METAP2: variants seen among roughly 807,000 people sequenced by gnomAD.
METAP2 encodes methionyl aminopeptidase 2, also known as methionine aminopeptidase 2.
METAP2 carries 25 observed loss-of-function variants against 59.4 expected under a neutral mutation model. The observed-to-expected ratio is 0.42, with a 90% CI of 0.31 to 0.59. The LOEUF (loss-of-function observed/expected upper bound fraction) is 0.59, where lower values mean the gene tolerates loss of function less well. METAP2 is among the 20% of genes least tolerant of loss of function. The probability of loss-of-function intolerance (pLI) is 0.16; values close to 1 mark genes in which losing one functional copy is unlikely to be tolerated. For synonymous variants in METAP2, 214 were observed against 194.1 expected, an observed-to-expected ratio of 1.10 and a Z score of -0.85; for missense variants, 366 against 581.2, an observed-to-expected ratio of 0.63 and a Z score of 3.81.
In METAP2 at chr12:95,495,197, C is replaced by G. The variant is rs549762561; in HGVS notation, c.772+59C>G. On this transcript the variant is annotated intron_variant, in intron 6 of 10. Transcript: ENST00000323666. The stretch of plus-strand genomic sequence containing the variant: ...CCTCCTGAAAAACTAGTTTTTGTCT[C>G]TGTTAAATGGAGTGATAAATACTGA... 3.5e-6 allele frequency: 5 copies of G among 1,414,888 alleles called. No homozygotes were observed. In the African/African-American group the frequency reaches 7.1e-5, roughly 20 times the overall value. 87.6% of individuals were successfully genotyped at this position (1,414,888 alleles called of 1,614,324 possible). A position where few individuals can be genotyped will look rare whatever the true frequency, so the allele number is the denominator to read the frequency against.
rs1594422989 is a variant in METAP2 at position 95,492,967 on chromosome 12, T to C, written c.429-1089T>C. ...TGAGTGGGCACATGTTGCAATAAAATTTTATTTATAAAACAGGGGAGGCAA... is the reference window on the plus strand; with the variant it reads ...TGAGTGGGCACATGTTGCAATAAAACTTTATTTATAAAACAGGGGAGGCAA... On this transcript the variant is annotated intron_variant, in intron 4 of 10. Transcript: ENST00000323666. Among the ~76,000 whole-genome samples, 5 of 152,316 alleles carry C rather than the reference T, an allele frequency of 3.3e-5. No homozygotes were observed. In the South Asian group the frequency reaches 1.0e-3, roughly 32 times the overall value.
chr12:95,488,511 CA>C (rs537119415), intron 4 of METAP2, among the ~76,000 whole-genome samples: 323 of 76,504 alleles, frequency 4.2e-3, no homozygotes, highest in African/African-American at 8.3e-3. Context: ...TTTGTCTCAC[CA>C]AAAAAAAAAA....
Position 95,495,061 on chromosome 12 carries a change from A to G in METAP2, c.695A>G (p.Tyr232Cys). 3.1e-6 allele frequency: 5 copies of G among 1,613,638 alleles called. No individual in the cohort carries two copies. The highest frequency in any genetic ancestry group is 2.5e-6 in the Non-Finnish European group (3 of 1,179,628). ...TCTCTCAATAATTGTGCTGCCCATT[A>G]TACTCCCAATGCCGGTGACACAACA... The part of the protein sequence containing the change: ...GCSLNNCAAH[Y>C]TPNAGDTTVL... Residue 232 changes from tyrosine to cysteine, a missense_variant, in exon 6 of 11, where the codon TAT becomes TGT. Transcript: ENST00000323666.
intron 8 of METAP2, among the ~76,000 whole-genome samples, chr12:95,506,845 C>G (rs1383068404): frequency 7.1e-6 from 1 of 139,972 alleles, no homozygotes; most frequent in East Asian, 2.0e-4. Flanking sequence ...GAGTCTTACT[C>G]GTTCTGTCAC....
intron 6 of METAP2, 110 bp from the exon 7 acceptor site, chr12:95,495,894 C>T: frequency 3.0e-6 from 2 of 669,718 alleles, no homozygotes; most frequent in Non-Finnish European, 2.6e-6. Flanking sequence ...TTCATTTGAG[C>T]CTTCATTCTA....
intron 7 of METAP2, among the ~76,000 whole-genome samples, chr12:95,501,578 A>G (rs1051450421): frequency 6.6e-6 from 1 of 152,074 alleles, no homozygotes; most frequent in African/African-American, 2.4e-5. Flanking sequence ...AGCTAGGCTT[A>G]GTGGCATGCG....
chr12:95,503,225 G>GT (rs1372374760), intron 7 of METAP2, among the ~76,000 whole-genome samples: 1 of 151,832 alleles, frequency 6.6e-6, no homozygotes, highest in Non-Finnish European at 1.5e-5. Flanking sequence ...TTTTGTGTTG[G>GT]TTTTTTTGTT....
At chr12:95,502,897 T>C (rs2076327032) in intron 7 of METAP2, among the ~76,000 whole-genome samples, 1 of 151,928 alleles carries the variant, frequency 6.6e-6, no homozygotes, top group African/African-American at 2.4e-5. Flanking sequence ...CAGAAATTTC[T>C]TTTTCTTTTA....
chr12:95,483,449 C>T (rs1226085867), intron 3 of METAP2, 169 bp downstream of exon 3: 14 of 363,642 alleles, frequency 3.8e-5, no homozygotes, highest in Non-Finnish European at 4.9e-5. Context: ...GCACTGCAGC[C>T]TGGGCAACAG....
At chr12:95,513,548 G>A in intron 10 of METAP2, 104 bp from the exon 11 acceptor site, 1 of 1,319,050 alleles carries the variant, frequency 7.6e-7, no homozygotes, top group South Asian at 1.4e-5. Flanking sequence ...AAAGTTTTTG[G>A]ACTTCAACTA....
chr12:95,510,558 A>G (rs945351889), intron 8 of METAP2, among the ~76,000 whole-genome samples: 4 of 152,128 alleles, frequency 2.6e-5, no homozygotes, highest in Non-Finnish European at 4.4e-5. Flanking sequence ...CCATGGCCCA[A>G]ACTCCTCCTG....
chr12:95,509,465 A>G (rs922195948), intron 8 of METAP2, among the ~76,000 whole-genome samples: 17 of 152,220 alleles, frequency 1.1e-4, no homozygotes, highest in African/African-American at 4.1e-4. Flanking sequence ...CCAAAGATTA[A>G]TAACAAAAGT....
chr12:95,484,541 C>T (rs301037), intron 3 of METAP2, among the ~76,000 whole-genome samples: 1 of 151,422 alleles, frequency 6.6e-6, no homozygotes, highest in Non-Finnish European at 1.5e-5. Context: ...AAATTGCTCC[C>T]TTCTGAAGGC....
At chr12:95,489,281 ACTTC>A (rs2076220266) in intron 4 of METAP2, among the ~76,000 whole-genome samples, 2 of 152,326 alleles carry the variant, frequency 1.3e-5, no homozygotes, top group East Asian at 3.9e-4. Context: ...AACTTCAAAA[ACTTC>A]CTTTTCCTTA....
In METAP2 at chr12:95,514,009, T is replaced by C. The variant is rs931384139; in HGVS notation, c.*105T>C. 12 of 1,246,996 alleles carry C rather than the reference T, an allele frequency of 9.6e-6. No individual in the cohort carries two copies. The African/African-American group carries it at 1.1e-4, about 11-fold the overall frequency. 77.2% of individuals were successfully genotyped at this position (1,246,996 alleles called of 1,614,324 possible). A position where few individuals can be genotyped will look rare whatever the true frequency, so the allele number is the denominator to read the frequency against. On this transcript the variant is annotated 3_prime_UTR_variant, in exon 11 of 11. Coordinates refer to ENST00000323666, the MANE Select transcript of METAP2 (RefSeq NM_006838.4). ...GTTGTCTGTTTTAACAGTGGACCCA[T>C]GTAATACTTTTATCCATGTTTAAAA...
intron 6 of METAP2, 119 bp downstream of exon 6, chr12:95,495,257 T>C (rs68079125): frequency 0.064 from 52,272 of 821,638 alleles, 2,152 homozygotes; most frequent in African/African-American, 0.13. Context: ...CTCATTTCAT[T>C]AGGAAAGGTG....
chr12:95,475,575 C>A (rs1214294977), intron 1 of METAP2, among the ~76,000 whole-genome samples: 1 of 152,132 alleles, frequency 6.6e-6, no homozygotes, highest in Non-Finnish European at 1.5e-5. Context: ...AGAGCAGGGG[C>A]CTGGTCTTGT....
chr12:95,512,930 C>G lies in METAP2; in HGVS notation c.1184+14C>G. ...TGTGCCAATAAGGTGAGAGACGAGA[C>G]GATTGATTTTATGTGGCTAATTAGC... is the stretch of plus-strand genomic sequence containing the variant. On this transcript the variant is annotated intron_variant, in intron 10 of 10. Transcript: ENST00000323666. 1 of 1,468,320 alleles carries G rather than the reference C, an allele frequency of 6.8e-7. No homozygotes were observed. The highest frequency in any genetic ancestry group is 2.3e-5 in the East Asian group (1 of 43,998). 91.0% of individuals were successfully genotyped at this position (1,468,320 alleles called of 1,614,324 possible).
At chr12:95,479,633 C>T (rs1251195856) in intron 2 of METAP2, among the ~76,000 whole-genome samples, 4 of 147,028 alleles carry the variant, frequency 2.7e-5, no homozygotes, top group African/African-American at 5.0e-5. Context: ...TTTTTTGAGA[C>T]GGAGTCTCAC....
Sources: allele counts gnomAD v4.1 joint callset (sites outside exome capture counted in the v4.1 genomes callset), GRCh38; gene constraint gnomAD v4.1.1; transcripts MANE v1.5; gene names NCBI Gene and HGNC (gene_info 2026-07-23, HGNC 2026-07-21).